MED12: variants seen among roughly 807,000 people sequenced by gnomAD.
MED12 encodes the protein mediator of RNA polymerase II transcription subunit 12.
In MED12, 10 loss-of-function variants were observed where a neutral mutation model predicts 177.7. The ratio of observed to expected loss-of-function variants is 0.06; its 90% CI spans 0.03 to 0.10. The LOEUF is 0.10. MED12 is among the 10% of genes least tolerant of loss of function. The pLI, the probability that MED12 is intolerant of heterozygous loss-of-function variation, is 1.00. For synonymous variants in MED12, 641 were observed against 678.4 expected (o/e 0.94, Z 0.86); for missense variants, 867 against 1,780.8 (o/e 0.49, Z 9.23).
chrX:71,132,252 G>A (rs772251483), intron 30 of MED12, 46 bp downstream of exon 30: 5 of 1,190,214 alleles, frequency 4.2e-6, no homozygotes, highest in Non-Finnish European at 5.7e-6. Context: ...GAGTTTATCT[G>A]CTGGTAGCGT....
chrX:71,121,924 T>C, intron 7 of MED12, 108 bp downstream of exon 7: 1 of 1,102,225 alleles, frequency 9.1e-7, no homozygotes, highest in Non-Finnish European at 1.2e-6. Flanking sequence ...GAGTAGGTGC[T>C]GAGTACTTGC....
chrX:71,132,778 CTCTTCTCTTCTCTTCTCTT>C (rs1569481985), intron 31 of MED12, 48 bp from the exon 32 acceptor site: 3 of 278,487 alleles, frequency 1.1e-5, no homozygotes, highest in Non-Finnish European at 2.0e-5. Context: ...CTCTTCTCTT[CTCTTCTCTTCTCTTCTCTT>C]CTCTTCTCTT....
Position 71,119,502 on chromosome X carries a change from G to T in MED12, c.204+25G>T, listed in dbSNP as rs377763948. ...GGTGAGACAACTCTGCCAGGCTGAA[G>T]GAAAAGGCTGGAAGAATCTAAGAAG... is the stretch of plus-strand genomic sequence containing the variant. On this transcript the variant is annotated intron_variant, in intron 2 of 44. Coordinates refer to ENST00000374080, the MANE Select transcript of MED12 (RefSeq NM_005120.3). 6.1e-5 allele frequency: 70 copies of T among 1,139,782 alleles called. No homozygotes were observed. The African/African-American group carries it at 1.2e-3, about 20-fold the overall frequency. 93.9% of individuals were successfully genotyped at this position (1,139,782 alleles called of 1,213,427 possible).
chrX:71,141,008 A>G, intron 42 of MED12, 151 bp downstream of exon 42: 1 of 1,099,531 alleles, frequency 9.1e-7, no homozygotes, highest in South Asian at 2.1e-5. Flanking sequence ...GAAGTTTTCT[A>G]CCCTCCCCCT....
At chrX:71,123,526 G>T in intron 11 of MED12, 68 bp from the exon 12 acceptor site, 1 of 1,168,396 alleles carries the variant, frequency 8.6e-7, no homozygotes. Flanking sequence ...GGTAGTTTAA[G>T]GCCTACACAT....
In MED12 at chrX:71,124,149, C is replaced by G; in HGVS notation, c.1745-10C>G. ...CTCCTAACTTATGTTTCCTCATTCC[C>G]TTCCTCCAGCGGACCCTCGAAGTGA... On this transcript the variant is annotated splice_polypyrimidine_tract_variant and intron_variant, in intron 12 of 44. Transcript: ENST00000374080. The G allele has an allele frequency of 8.3e-7, 1 of 1,200,515 alleles. No individual in the cohort carries two copies. The highest frequency in any genetic ancestry group is 3.0e-5 in the East Asian group (1 of 33,801).
Position 71,118,646 on chromosome X carries a change from G to C in MED12, c.-109G>C. The C allele has an allele frequency of 1.5e-6, 1 of 675,536 alleles. No individual in the cohort carries two copies. The highest frequency in any genetic ancestry group is 2.3e-5 in the South Asian group (1 of 42,664). 55.7% of individuals were successfully genotyped at this position (675,536 alleles called of 1,213,427 possible). On this transcript the variant is annotated 5_prime_UTR_variant, in exon 1 of 45. Coordinates refer to ENST00000374080, the MANE Select transcript of MED12 (RefSeq NM_005120.3). ...CTAACGTGCCCCCTTGTTGTCTCTC[G>C]GCCGCCGTCCTCTCAACCACCGCCC...
At chrX:71,134,673 C>T (rs1330692913) in intron 34 of MED12, 40 bp from the exon 35 acceptor site, 2 of 1,208,241 alleles carry the variant, frequency 1.7e-6, no homozygotes, top group South Asian at 1.8e-5. Context: ...CTATCTTCAC[C>T]TCTTTCTTCT....
At chrX:71,132,768 C>CTCTTT (rs2092321173) in intron 31 of MED12, 77 bp from the exon 32 acceptor site, 1 of 148,964 alleles carries the variant, frequency 6.7e-6, no homozygotes, top group Non-Finnish European at 1.2e-5. Flanking sequence ...CTCTTCTCTC[C>CTCTTT]TCTTCTCTTC....
At chrX:71,141,487 AC>A in intron 43 of MED12, 117 bp downstream of exon 43, 12 of 994,599 alleles carry the variant, frequency 1.2e-5, no homozygotes, top group Non-Finnish European at 1.7e-5. Flanking sequence ...AGGGCATGGC[AC>A]CCTAAAAATG....
Position 71,123,211 on chromosome X carries a change from G to T in MED12, c.1602G>T (p.Ala534=), listed in dbSNP as rs1057523461. The change falls in exon 11 of 45, where the codon GCG becomes GCT. Residue 534 remains alanine, a synonymous_variant. Transcript: ENST00000374080. ...CCAAGCTCCTGGAGAAGAGACAGGC[G>T]GAGATTGAGGCTGAGGTTAGAGGGC... The part of the protein sequence containing the change: ...VVAKLLEKRQ[A]EIEAERCGES... The T allele has an allele frequency of 8.3e-7, 1 of 1,209,647 alleles. No individual in the cohort carries two copies. Among genetic ancestry groups the T allele is most frequent in the Non-Finnish European group, 1.1e-6 (1 of 895,182 alleles).
chrX:71,129,705 C>T lies in MED12; in HGVS notation c.3717C>T (p.Gly1239=). The change falls in exon 27 of 45, where the codon GGC becomes GGT. Residue 1239 remains glycine (G), a synonymous_variant. Coordinates refer to ENST00000374080, the MANE Select transcript of MED12 (RefSeq NM_005120.3). ...GGGATGCGGAACTGAAAGGTTCAGG[C>T]TTCACTGTGACAGGAGGAACAGAAG... is the stretch of plus-strand genomic sequence containing the variant. ...VLGDAELKGS[G]FTVTGGTEEL... 1 of 1,196,063 alleles carries T rather than the reference C, an allele frequency of 8.4e-7. No individual in the cohort carries two copies. Among genetic ancestry groups the T allele is most frequent in the Non-Finnish European group, 1.1e-6 (1 of 887,449 alleles).
In MED12 at chrX:71,125,842, C is replaced by T. The variant is rs1390599176; in HGVS notation, c.2422+129C>T. 4.6e-6 allele frequency: 3 copies of T among 647,394 alleles called. No individual in the cohort carries two copies. In the African/African-American group the frequency reaches 6.7e-5, roughly 15 times the overall value. 53.4% of individuals were successfully genotyped at this position (647,394 alleles called of 1,213,427 possible). A position where few individuals can be genotyped will look rare whatever the true frequency, so the allele number is the denominator to read the frequency against. ...TCCTCTAAACCTTTGCTTCACTGTCCCCTTCCCTTCATTCCTCCCCCATCC... is the reference window on the plus strand; with the variant it reads ...TCCTCTAAACCTTTGCTTCACTGTCTCCTTCCCTTCATTCCTCCCCCATCC... On this transcript the variant is annotated intron_variant, in intron 17 of 44. Coordinates refer to ENST00000374080, the MANE Select transcript of MED12 (RefSeq NM_005120.3).
intron 10 of MED12, 54 bp downstream of exon 10, chrX:71,122,928 G>A: frequency 1.7e-6 from 2 of 1,177,128 alleles, no homozygotes; most frequent in South Asian, 1.8e-5. Context: ...GCAATAATAT[G>A]TCTGAGAGGG....
intron 28 of MED12, among the ~76,000 whole-genome samples, chrX:71,131,031 C>T (rs1024709540): frequency 8.9e-6 from 1 of 111,942 alleles, no homozygotes; most frequent in Non-Finnish European, 1.9e-5. Context: ...GCAGAACTTC[C>T]TGATACGAAG....
intron 21 of MED12, 191 bp from the exon 22 acceptor site, chrX:71,127,702 A>T: frequency 2.1e-6 from 1 of 482,298 alleles, no homozygotes; most frequent in Non-Finnish European, 3.6e-6. Context: ...CACTGCCTTC[A>T]GAGGCCCCAG....
intron 4 of MED12, 116 bp from the exon 5 acceptor site, chrX:71,120,855 G>C: frequency 2.2e-6 from 2 of 891,313 alleles, no homozygotes; most frequent in Non-Finnish European, 3.2e-6. Context: ...TGATCCACCT[G>C]CCTCAGCCTC....
intron 1 of MED12, 49 bp downstream of exon 1, chrX:71,118,902 C>T (rs759327179): frequency 9.2e-7 from 1 of 1,087,242 alleles, no homozygotes; most frequent in African/African-American, 1.9e-5. Flanking sequence ...ACGCGGTCAG[C>T]CTAGGAGGAG....
At position 71,137,371 on chromosome X, in the gene MED12, C is replaced by T; in HGVS notation, c.5736C>T (p.Arg1912=). The T allele has an allele frequency of 8.3e-7, 1 of 1,211,181 alleles. No individual in the cohort carries two copies. The highest frequency in any genetic ancestry group is 1.1e-6 in the Non-Finnish European group (1 of 895,278). The change falls in exon 39 of 45, where the codon CGC becomes CGT. Residue 1912 remains arginine (R), a synonymous_variant. Transcript: ENST00000374080. ...CGGTGCCCCAAGGACAGCGCCTTCG[C>T]CAACAGCTCCAGGCAAAGATAGTGA... is the stretch of plus-strand genomic sequence containing the variant. ...QPAVPQGQRL[R]QQLQQSQGML...
Sources: allele counts gnomAD v4.1 joint callset (sites outside exome capture counted in the v4.1 genomes callset), GRCh38; gene constraint gnomAD v4.1.1; transcripts MANE v1.5; gene names NCBI Gene and HGNC (gene_info 2026-07-23, HGNC 2026-07-21).